Variants in KIAA0825 observed in about 807,000 individuals in gnomAD.
KIAA0825 encodes the protein KIAA0825, also known as uncharacterized protein KIAA0825.
A neutral mutation model predicts 147.6 loss-of-function variants in KIAA0825; 119 were observed. The ratio of observed to expected loss-of-function variants is 0.81; its 90% CI spans 0.69 to 0.94. KIAA0825 has a LOEUF of 0.94. KIAA0825 is among the 40% of genes least tolerant of loss of function. The pLI, the probability that KIAA0825 is intolerant of heterozygous loss-of-function variation, is 0.00. For synonymous variants in KIAA0825, 470 were observed against 518.1 expected, an observed-to-expected ratio of 0.91 and a Z score of 1.26; for missense variants, 1,381 against 1,472.7, an observed-to-expected ratio of 0.94 and a Z score of 1.02.
chr5:94,378,239 T>TTGA (rs1044001822), intron 20 of KIAA0825, among the ~76,000 whole-genome samples: 3 of 152,174 alleles, frequency 2.0e-5, no homozygotes, highest in African/African-American at 7.2e-5. Context: ...AGGTAGCTTT[T>TTGA]TGATCTTCCT....
chr5:94,402,651 G>T (rs535075140), intron 16 of KIAA0825, among the ~76,000 whole-genome samples: 1 of 151,740 alleles, frequency 6.6e-6, no homozygotes, highest in East Asian at 2.0e-4. Context: ...AGTGCGGCTG[G>T]AGTATTTTAT....
intron 15 of KIAA0825, 60 bp from the exon 16 acceptor site, chr5:94,403,853 T>A: frequency 1.5e-6 from 2 of 1,352,970 alleles, no homozygotes; most frequent in Non-Finnish European, 2.1e-6. Context: ...TGTGCCTTGC[T>A]CAACTAGAAT....
chr5:94,205,016 A>T (rs960207275), intron 20 of KIAA0825, among the ~76,000 whole-genome samples: 1 of 152,104 alleles, frequency 6.6e-6, no homozygotes, highest in African/African-American at 2.4e-5. Flanking sequence ...AGTTGGTAGA[A>T]TTCCTTGAAA....
chr5:94,205,811 A>G (rs1772145894), intron 20 of KIAA0825, among the ~76,000 whole-genome samples: 3 of 152,206 alleles, frequency 2.0e-5, no homozygotes, highest in African/African-American at 7.2e-5. Context: ...CCCCTATTCC[A>G]TGACTTGCTT....
At chr5:94,409,054 T>A (rs1752436127) in intron 15 of KIAA0825, among the ~76,000 whole-genome samples, 2 of 152,274 alleles carry the variant, frequency 1.3e-5, no homozygotes, top group East Asian at 3.9e-4. Flanking sequence ...ATATTATGAA[T>A]TAAGTAAAAA....
chr5:94,401,405 G>C (rs1023199630), intron 16 of KIAA0825, among the ~76,000 whole-genome samples: 1 of 152,022 alleles, frequency 6.6e-6, no homozygotes, highest in Admixed American at 6.6e-5. Context: ...TGACTTATTG[G>C]TTTATAGGAA....
intron 20 of KIAA0825, among the ~76,000 whole-genome samples, chr5:94,383,505 C>G (rs1482836091): frequency 6.6e-6 from 1 of 152,076 alleles, no homozygotes; most frequent in Non-Finnish European, 1.5e-5. Flanking sequence ...TTCTATGTCA[C>G]AAAGATCATA....
At chr5:94,572,822 G>A (rs1364388817) in intron 2 of KIAA0825, among the ~76,000 whole-genome samples, 1 of 152,128 alleles carries the variant, frequency 6.6e-6, no homozygotes, top group Non-Finnish European at 1.5e-5. Context: ...ATTGATTTTT[G>A]TTTGATATGA....
intron 20 of KIAA0825, among the ~76,000 whole-genome samples, chr5:94,291,738 C>A (rs1392127490): frequency 1.3e-5 from 2 of 152,168 alleles, no homozygotes; most frequent in Non-Finnish European, 2.9e-5. Context: ...TTCTTCCTAT[C>A]CATGAGCATG....
intron 1 of KIAA0825, among the ~76,000 whole-genome samples, chr5:94,596,148 A>G (rs1432306541): frequency 6.6e-6 from 1 of 152,176 alleles, no homozygotes; most frequent in Non-Finnish European, 1.5e-5. Flanking sequence ...TTGTCATGAC[A>G]TCTTTGCTAC....
rs545359011 is a variant in KIAA0825, at chr5:94,531,984, GGAAA to G, written c.131+5008_131+5011del. Among the ~76,000 whole-genome samples the G allele has an allele frequency of 1.6e-4, 25 of 151,962 alleles. 2 individuals are homozygous for G. In the East Asian group the frequency reaches 4.8e-3, roughly 29 times the overall value. On this transcript the variant is annotated intron_variant, in intron 3 of 20. Coordinates refer to ENST00000682413, the MANE Select transcript of KIAA0825 (RefSeq NM_001145678.3). ...ACATACATATAAACAGCCATCATAC[GGAAA>G]ACTTGAAAGCAAATTTTTAATATGG...
intron 6 of KIAA0825, among the ~76,000 whole-genome samples, chr5:94,481,686 A>C (rs140023597): frequency 6.6e-6 from 1 of 152,104 alleles, no homozygotes; most frequent in East Asian, 1.9e-4. Context: ...ACGCCTCCCT[A>C]ATACAATCCC....
chr5:94,371,579 A>C (rs983243530), intron 20 of KIAA0825, among the ~76,000 whole-genome samples: 3 of 152,168 alleles, frequency 2.0e-5, no homozygotes, highest in Non-Finnish European at 2.9e-5. Flanking sequence ...AAACCATCAG[A>C]TATCATGAGA....
intron 14 of KIAA0825, among the ~76,000 whole-genome samples, chr5:94,420,995 T>C (rs1754111504): frequency 6.6e-6 from 1 of 152,208 alleles, no homozygotes; most frequent in Non-Finnish European, 1.5e-5. Flanking sequence ...CCTACTCCTT[T>C]GAAATCCTCG....
At chr5:94,549,187 C>G (rs139832602) in intron 2 of KIAA0825, among the ~76,000 whole-genome samples, 5 of 151,962 alleles carry the variant, frequency 3.3e-5, no homozygotes, top group Non-Finnish European at 1.5e-5. Flanking sequence ...AAAGACCATA[C>G]GGTAGGTCAC....
intron 20 of KIAA0825, among the ~76,000 whole-genome samples, chr5:94,260,559 A>G (rs1479644419): frequency 6.6e-6 from 1 of 152,138 alleles, no homozygotes; most frequent in African/African-American, 2.4e-5. Flanking sequence ...CTTATTTCAG[A>G]TGATAAGTTT....
At chr5:94,534,425 GA>G (rs1270244339) in intron 3 of KIAA0825, among the ~76,000 whole-genome samples, 10 of 152,106 alleles carry the variant, frequency 6.6e-5, no homozygotes, top group Non-Finnish European at 2.9e-5. Context: ...TGAATTTGAT[GA>G]AAAATAGACT....
chr5:94,376,782 A>G (rs1747642726), intron 20 of KIAA0825, among the ~76,000 whole-genome samples: 1 of 152,156 alleles, frequency 6.6e-6, no homozygotes, highest in Admixed American at 6.5e-5. Context: ...GGAGCATGAA[A>G]AAACCCACCA....
chr5:94,300,861 T>A (rs1197512871), intron 20 of KIAA0825, among the ~76,000 whole-genome samples: 3 of 152,146 alleles, frequency 2.0e-5, no homozygotes, highest in African/African-American at 7.2e-5. Flanking sequence ...GGAAAAGAGA[T>A]GGCAGAGAAA....
Sources: gnomAD v4.1 joint callset for allele counts (sites outside exome capture counted in the v4.1 genomes callset) on GRCh38, gnomAD v4.1.1 for gene constraint, MANE v1.5 for transcripts, NCBI Gene and HGNC (gene_info 2026-07-23, HGNC 2026-07-21) for gene names.